The following CAST variants were observed in gnomAD, a reference collection of about 807,000 sequenced individuals.
The protein encoded by CAST is MIR583 host.
A neutral mutation model predicts 119.6 loss-of-function variants in CAST; 76 were observed. The observed-to-expected ratio is 0.64, with a 90% CI of 0.53 to 0.77. CAST has a LOEUF of 0.77. Ranked by LOEUF, CAST falls within the 30% of genes least tolerant of loss-of-function variation. CAST has a pLI of 0.00. For synonymous variants in CAST, 319 were observed against 331.6 expected (o/e 0.96, Z 0.41); for missense variants, 953 against 946.5 (o/e 1.01, Z -0.09).
intron 2 of CAST, among the ~76,000 whole-genome samples, chr5:96,683,939 A>G (rs892851185): frequency 5.3e-5 from 8 of 152,232 alleles, no homozygotes; most frequent in Non-Finnish European, 1.0e-4. Context: ...CTGAGACCAC[A>G]GTGAGAGCAT....
chr5:96,419,499 T>C, the CAST span, among the ~76,000 whole-genome samples: 2 of 150,932 alleles, frequency 1.3e-5, no homozygotes, highest in African/African-American at 4.9e-5. Context: ...GTAGAGATTC[T>C]TTTTCAAAAG....
At chr5:96,734,820 A>G (rs904594735) in intron 9 of CAST, among the ~76,000 whole-genome samples, 4 of 152,318 alleles carry the variant, frequency 2.6e-5, no homozygotes, top group Non-Finnish European at 2.9e-5. Context: ...CTAATTTTGG[A>G]CAAGCTGAAT....
the CAST span, among the ~76,000 whole-genome samples, chr5:96,240,245 C>T: frequency 6.6e-6 from 1 of 152,178 alleles, no homozygotes; most frequent in African/African-American, 2.4e-5. Flanking sequence ...CTTCAGCTTT[C>T]TGCTATTAAG....
the CAST span, among the ~76,000 whole-genome samples, chr5:96,181,760 A>G: frequency 6.6e-6 from 1 of 152,250 alleles, no homozygotes; most frequent in Non-Finnish European, 1.5e-5. Context: ...TGTACTTTAT[A>G]TACAAATAAC....
At chr5:96,464,574 T>C in the CAST span, among the ~76,000 whole-genome samples, 5 of 152,222 alleles carry the variant, frequency 3.3e-5, 1 homozygote, top group Admixed American at 3.3e-4. Flanking sequence ...GCATATTACA[T>C]GGCTTTGAGC....
intron 1 of CAST, among the ~76,000 whole-genome samples, chr5:96,605,107 T>C (rs1391256875): frequency 6.6e-6 from 1 of 152,178 alleles, no homozygotes; most frequent in East Asian, 1.9e-4. Context: ...CAAATGTTGA[T>C]GATGCCACAC....
At chr5:96,412,546 C>G in the CAST span, 7 of 1,452,174 alleles carry the variant, frequency 4.8e-6, no homozygotes, top group Non-Finnish European at 6.8e-6. Context: ...TGTACATGGA[C>G]AAAAGCCCAA....
chr5:96,592,740 G>A (rs1447124726), intron 1 of CAST, among the ~76,000 whole-genome samples: 6 of 150,922 alleles, frequency 4.0e-5, no homozygotes, highest in Non-Finnish European at 8.9e-5. Context: ...CCTTCATTTG[G>A]CACTTACATT....
the CAST span, among the ~76,000 whole-genome samples, chr5:96,485,444 A>G: frequency 2.8e-4 from 42 of 152,318 alleles, no homozygotes; most frequent in East Asian, 2.7e-3. Flanking sequence ...TTTATTTTAA[A>G]TATTTTTGGT....
chr5:96,412,623 T>G, the CAST span: 1 of 796,500 alleles, frequency 1.3e-6, no homozygotes, highest in Admixed American at 2.3e-5. Context: ...TAGATAGATG[T>G]CCCCAATTTC....
chr5:96,730,395 A>G (rs1262201509), intron 8 of CAST, among the ~76,000 whole-genome samples: 1 of 152,238 alleles, frequency 6.6e-6, no homozygotes, highest in Non-Finnish European at 1.5e-5. Context: ...TTTTTAATTA[A>G]TTGCCAGCAA....
chr5:96,478,901 G>T, the CAST span, among the ~76,000 whole-genome samples: 2 of 152,202 alleles, frequency 1.3e-5, no homozygotes, highest in East Asian at 1.9e-4. Flanking sequence ...CATAGGGAGC[G>T]CACTGGCCAG....
intron 1 of CAST, among the ~76,000 whole-genome samples, chr5:96,579,510 A>T (rs1746733583): frequency 6.6e-6 from 1 of 151,986 alleles, no homozygotes; most frequent in East Asian, 1.9e-4. Context: ...CTCTCTTTTG[A>T]TGTGGGAGAG....
At chr5:96,225,144 G>A in the CAST span, among the ~76,000 whole-genome samples, 1 of 152,226 alleles carries the variant, frequency 6.6e-6, no homozygotes, top group African/African-American at 2.4e-5. Context: ...TAACACCAAT[G>A]TAGAGGCAAT....
chr5:96,675,609 C>G lies in CAST; in HGVS notation c.138+8C>G, dbSNP rs754311845. On this transcript the variant is annotated splice_region_variant and intron_variant, in intron 2 of 31. Coordinates refer to ENST00000675179, the MANE Select transcript of CAST (RefSeq NM_001750.7). ...AAGAAAGGATCAGATGAGGTAATTT[C>G]CACAATACTGGGCTTTCATTTTCTC... is the stretch of plus-strand genomic sequence containing the variant. The G allele has an allele frequency of 6.3e-7, 1 of 1,598,238 alleles. No homozygotes were observed. Among genetic ancestry groups the G allele is most frequent in the Non-Finnish European group, 8.6e-7 (1 of 1,165,970 alleles).
chr5:96,020,246 T>C, the CAST span, among the ~76,000 whole-genome samples: 5 of 152,290 alleles, frequency 3.3e-5, no homozygotes, highest in East Asian at 7.7e-4. Flanking sequence ...TTTAAGCCAA[T>C]ATAAGCTTAG....
chr5:96,174,106 C>T, the CAST span, among the ~76,000 whole-genome samples: 2 of 152,078 alleles, frequency 1.3e-5, no homozygotes, highest in South Asian at 2.1e-4. Context: ...AGAGTTTTCA[C>T]TTTTAATTTC....
At chr5:96,547,199 T>A (rs908873111) in intron 1 of CAST, among the ~76,000 whole-genome samples, 2 of 152,168 alleles carry the variant, frequency 1.3e-5, no homozygotes, top group Non-Finnish European at 2.9e-5. Flanking sequence ...AATTGGCTCA[T>A]GAGATTTAAT....
At chr5:96,482,935 C>T in the CAST span, among the ~76,000 whole-genome samples, 1 of 152,170 alleles carries the variant, frequency 6.6e-6, no homozygotes, top group Non-Finnish European at 1.5e-5. Context: ...CTTCACCATC[C>T]TAGTCACTAT....
Sources: gnomAD v4.1 joint callset for allele counts (sites outside exome capture counted in the v4.1 genomes callset) on GRCh38, gnomAD v4.1.1 for gene constraint, MANE v1.5 for transcripts, NCBI Gene and HGNC (gene_info 2026-07-23, HGNC 2026-07-21) for gene names.